The following STXBP5L variants were observed in gnomAD, a reference collection of about 807,000 sequenced individuals.
STXBP5L encodes syntaxin-binding protein 5-like.
In STXBP5L, 65 loss-of-function variants were observed where a neutral mutation model predicts 144.5. That is an observed-to-expected ratio of 0.45 (90% CI 0.37 to 0.55). The LOEUF (loss-of-function observed/expected upper bound fraction) is 0.55, where lower values mean the gene tolerates loss of function less well. Ranked by LOEUF, STXBP5L falls within the 20% of genes least tolerant of loss-of-function variation. The pLI is 0.00. For missense variants in STXBP5L, 1,298 were observed against 1,405.5 expected (o/e 0.92, Z 1.22); for synonymous variants, 505 against 469.6 (o/e 1.08, Z -0.97).
intron 22 of STXBP5L, among the ~76,000 whole-genome samples, chr3:121,404,170 C>T (rs957575385): frequency 7.2e-5 from 11 of 152,136 alleles, no homozygotes; most frequent in African/African-American, 2.4e-4. Flanking sequence ...CACTTTTCTA[C>T]ATCTATTAAT....
chr3:121,156,498 A>G (rs1028031348), intron 8 of STXBP5L, among the ~76,000 whole-genome samples: 1 of 151,974 alleles, frequency 6.6e-6, no homozygotes, highest in Non-Finnish European at 1.5e-5. Context: ...TTCTGTATGT[A>G]CTTTATTAAT....
chr3:121,108,248 T>A (rs774483280), intron 5 of STXBP5L, among the ~76,000 whole-genome samples: 1 of 152,176 alleles, frequency 6.6e-6, no homozygotes, highest in African/African-American at 2.4e-5. Context: ...CCCAATACTA[T>A]GTTGAATAGG....
chr3:121,123,011 T>G (rs934559599), intron 7 of STXBP5L, among the ~76,000 whole-genome samples: 2 of 151,548 alleles, frequency 1.3e-5, no homozygotes, highest in African/African-American at 4.8e-5. Flanking sequence ...TAAACATATT[T>G]AGACATATGA....
chr3:120,964,208 C>A, intron 3 of STXBP5L, among the ~76,000 whole-genome samples: 1 of 152,012 alleles, frequency 6.6e-6, no homozygotes, highest in East Asian at 1.9e-4. Context: ...TTTTGTTGAT[C>A]TTTTCCAAAA....
chr3:121,210,149 C>A (rs28778369), intron 10 of STXBP5L, among the ~76,000 whole-genome samples: 1 of 151,896 alleles, frequency 6.6e-6, no homozygotes, highest in Admixed American at 6.6e-5. Flanking sequence ...GATGGTATCT[C>A]ATTGTGGTTT....
At chr3:121,102,068 C>CA (rs911067084) in intron 5 of STXBP5L, among the ~76,000 whole-genome samples, 3 of 151,500 alleles carry the variant, frequency 2.0e-5, no homozygotes, top group Non-Finnish European at 2.9e-5. Context: ...ATAGGTGACA[C>CA]AAAAAAATGG....
At chr3:121,024,161 C>G (rs1391478631) in intron 3 of STXBP5L, among the ~76,000 whole-genome samples, 2 of 152,066 alleles carry the variant, frequency 1.3e-5, no homozygotes, top group African/African-American at 4.8e-5. Flanking sequence ...AAAATATTTG[C>G]AAAACATGTA....
intron 19 of STXBP5L, among the ~76,000 whole-genome samples, chr3:121,302,137 G>T (rs918828204): frequency 6.6e-6 from 1 of 152,090 alleles, no homozygotes. Flanking sequence ...GCTCCTCCTT[G>T]TACCTCTGGT....
At chr3:121,088,142 G>T (rs1279836079) in intron 5 of STXBP5L, among the ~76,000 whole-genome samples, 1 of 150,542 alleles carries the variant, frequency 6.6e-6, no homozygotes, top group Non-Finnish European at 1.5e-5. Context: ...ACTACCATCA[G>T]AGTGAACAGG....
At chr3:121,264,827 G>A (rs895826358) in intron 18 of STXBP5L, among the ~76,000 whole-genome samples, 14 of 147,038 alleles carry the variant, frequency 9.5e-5, no homozygotes, top group Non-Finnish European at 1.6e-4. Context: ...AAAAAAGATT[G>A]CAATCTTAGT....
chr3:121,280,707 A>G (rs1227625826), intron 19 of STXBP5L, among the ~76,000 whole-genome samples: 2 of 151,932 alleles, frequency 1.3e-5, no homozygotes, highest in Non-Finnish European at 2.9e-5. Context: ...AGTTGGTAAA[A>G]GAAAATTAGG....
chr3:121,301,408 T>C (rs1201232853), intron 19 of STXBP5L, among the ~76,000 whole-genome samples: 1 of 152,244 alleles, frequency 6.6e-6, no homozygotes, highest in Non-Finnish European at 1.5e-5. Flanking sequence ...ATCCTGAGAC[T>C]TTGCTGAAGT....
At chr3:121,169,676 GGAGCACC>G (rs2046635546) in intron 9 of STXBP5L, among the ~76,000 whole-genome samples, 1 of 152,010 alleles carries the variant, frequency 6.6e-6, no homozygotes, top group Non-Finnish European at 1.5e-5. Flanking sequence ...AACCAATACA[GGAGCACC>G]CAGATTCATA....
At chr3:121,004,575 T>G (rs980762986) in intron 3 of STXBP5L, among the ~76,000 whole-genome samples, 1 of 152,014 alleles carries the variant, frequency 6.6e-6, no homozygotes, top group Non-Finnish European at 1.5e-5. Flanking sequence ...TGGCCAGAAC[T>G]TCCAACACTA....
intron 2 of STXBP5L, among the ~76,000 whole-genome samples, chr3:120,916,462 G>A (rs1576413034): frequency 6.6e-6 from 1 of 151,904 alleles, no homozygotes; most frequent in South Asian, 2.1e-4. Flanking sequence ...CACCACGCCC[G>A]GCTAATTTTT....
chr3:121,186,566 C>T (rs1196146278), intron 9 of STXBP5L, among the ~76,000 whole-genome samples: 4 of 152,250 alleles, frequency 2.6e-5, no homozygotes, highest in African/African-American at 9.6e-5. Flanking sequence ...TGGTTTTTGT[C>T]TTTGGTTCTG....
intron 3 of STXBP5L, among the ~76,000 whole-genome samples, chr3:120,998,638 TTTTC>T (rs2108023068): frequency 6.6e-6 from 1 of 152,274 alleles, no homozygotes; most frequent in African/African-American, 2.4e-5. Context: ...TGGTGTTTGG[TTTTC>T]TGTTTTTCTG....
At chr3:121,095,086 C>A (rs529939441) in intron 5 of STXBP5L, among the ~76,000 whole-genome samples, 7 of 152,256 alleles carry the variant, frequency 4.6e-5, no homozygotes, top group African/African-American at 1.2e-4. Flanking sequence ...GTTGAAAATT[C>A]TTTTCTTTAA....
chr3:121,418,366 C>G lies in STXBP5L; in HGVS notation c.3256C>G (p.Arg1086Gly). The change falls in exon 26 of 27, where the codon CGC becomes GGC. Residue 1086 changes from arginine to glycine, a missense_variant. Coordinates refer to ENST00000471454, the MANE Select transcript of STXBP5L (RefSeq NM_001308330.2). ...FGEASAGKAS[R>G]SLAQHIPGPG... ...GGAAGCTTCGGCAGGAAAAGCATCCCGCAGCCTTGCGCAACACATTCCTGG... is the reference window on the plus strand; with the variant it reads ...GGAAGCTTCGGCAGGAAAAGCATCCGGCAGCCTTGCGCAACACATTCCTGG... 2.5e-6 allele frequency: 4 copies of G among 1,613,770 alleles called. No individual in the cohort carries two copies. The highest frequency in any genetic ancestry group is 3.4e-6 in the Non-Finnish European group (4 of 1,179,840).
Sources: allele counts gnomAD v4.1 joint callset (sites outside exome capture counted in the v4.1 genomes callset), GRCh38; gene constraint gnomAD v4.1.1; transcripts MANE v1.5; gene names NCBI Gene and HGNC (gene_info 2026-07-23, HGNC 2026-07-21).